SHLD2: variants seen among roughly 807,000 people sequenced by gnomAD.
SHLD2 encodes RINN1-REV7-interacting novel NHEJ regulator 2.
In SHLD2, 30 loss-of-function variants were observed where a neutral mutation model predicts 73.2. The observed-to-expected ratio is 0.41, with a 90% CI of 0.31 to 0.56. The LOEUF (loss-of-function observed/expected upper bound fraction) is 0.56. Among genes scored for constraint, SHLD2 ranks in the 20% least tolerant of loss-of-function variants. SHLD2 has a pLI of 0.28. For missense variants in SHLD2, 745 were observed against 1,055.9 expected (o/e 0.71, Z 4.08); for synonymous variants, 285 against 370.1 (o/e 0.77, Z 2.64).
At chr10:87,165,004 T>C (rs1480171552) in intron 4 of SHLD2, among the ~76,000 whole-genome samples, 1 of 151,936 alleles carries the variant, frequency 6.6e-6, no homozygotes. Flanking sequence ...CTGGGCAACA[T>C]GGCAAAACCC....
At chr10:87,106,651 A>G (rs528243345) in intron 2 of SHLD2, among the ~76,000 whole-genome samples, 1 of 152,332 alleles carries the variant, frequency 6.6e-6, no homozygotes, top group Non-Finnish European at 1.5e-5. Flanking sequence ...GACAGAACAG[A>G]AATCCATCCT....
At chr10:87,145,184 G>A (rs1351611576) in intron 2 of SHLD2, among the ~76,000 whole-genome samples, 1 of 152,052 alleles carries the variant, frequency 6.6e-6, no homozygotes, top group African/African-American at 2.4e-5. Flanking sequence ...CTCGTGATCC[G>A]CCCTCCTCAG....
intron 3 of SHLD2, among the ~76,000 whole-genome samples, chr10:87,156,332 TG>T (rs1358007409): frequency 6.6e-6 from 1 of 152,182 alleles, no homozygotes; most frequent in Non-Finnish European, 1.5e-5. Context: ...CCCAAAGTTC[TG>T]GGATTACAGG....
chr10:87,175,165 A>G (rs551577125), intron 6 of SHLD2, among the ~76,000 whole-genome samples: 1 of 152,028 alleles, frequency 6.6e-6, no homozygotes, highest in Non-Finnish European at 1.5e-5. Context: ...AAATAAGTAC[A>G]ATTGTGTCTA....
intron 4 of SHLD2, 24 bp from the exon 5 acceptor site, chr10:87,170,454 G>T: frequency 6.7e-7 from 1 of 1,492,460 alleles, no homozygotes; most frequent in East Asian, 2.3e-5. Context: ...TCTTTTGTCT[G>T]TCTGTATGTT....
At chr10:87,167,755 C>T (rs1456305958) in intron 4 of SHLD2, among the ~76,000 whole-genome samples, 1 of 152,176 alleles carries the variant, frequency 6.6e-6, no homozygotes, top group Admixed American at 6.5e-5. Context: ...AGAGATTCTT[C>T]TACCTCAGCC....
chr10:87,134,649 C>A (rs1470622930), intron 2 of SHLD2, among the ~76,000 whole-genome samples: 3 of 152,316 alleles, frequency 2.0e-5, no homozygotes, highest in East Asian at 3.9e-4. Flanking sequence ...TATAGGGCAA[C>A]CACCCTTAGA....
intron 6 of SHLD2, among the ~76,000 whole-genome samples, chr10:87,175,116 C>CAA (rs55718551): frequency 4.7e-5 from 4 of 84,694 alleles, no homozygotes; most frequent in Non-Finnish European, 4.9e-5. Flanking sequence ...GACTCCATCT[C>CAA]AAAAAAAAAA....
intron 2 of SHLD2, among the ~76,000 whole-genome samples, chr10:87,126,757 A>G (rs1009829390): frequency 6.6e-6 from 1 of 152,180 alleles, no homozygotes; most frequent in African/African-American, 2.4e-5. Flanking sequence ...CTTGGTGCTT[A>G]AACTTTAGTT....
At chr10:87,141,083 AAGCCTGGGCAACATAGTG>A (rs1845159421) in intron 2 of SHLD2, among the ~76,000 whole-genome samples, 3 of 151,184 alleles carry the variant, frequency 2.0e-5, no homozygotes, top group African/African-American at 7.3e-5. Flanking sequence ...AATTGGAGAC[AAGCCTGGGCAACATAGTG>A]AGACCCTGTC....
intron 3 of SHLD2, among the ~76,000 whole-genome samples, chr10:87,154,640 C>T (rs1014584422): frequency 2.0e-5 from 3 of 152,042 alleles, no homozygotes; most frequent in African/African-American, 7.2e-5. Context: ...CTTGTCCTCC[C>T]AAAATGCTAG....
chr10:87,178,226 ACT>A (rs1286281016), intron 7 of SHLD2, among the ~76,000 whole-genome samples: 6 of 112,632 alleles, frequency 5.3e-5, no homozygotes, highest in Non-Finnish European at 1.0e-4. Context: ...ACAGAGCAAT[ACT>A]CTGTCTCAAA....
At chr10:87,143,634 C>G (rs189006475) in intron 2 of SHLD2, among the ~76,000 whole-genome samples, 1 of 151,908 alleles carries the variant, frequency 6.6e-6, no homozygotes, top group Non-Finnish European at 1.5e-5. Flanking sequence ...ACCTGTTAAT[C>G]CTGTTATAAT....
intron 2 of SHLD2, among the ~76,000 whole-genome samples, chr10:87,148,253 C>T (rs978667714): frequency 1.3e-5 from 2 of 152,134 alleles, no homozygotes; most frequent in African/African-American, 4.8e-5. Flanking sequence ...AGCATAATGC[C>T]CAGCACGTAA....
upstream of SHLD2, chr10:87,094,925 T>C (rs1841697155): frequency 4.9e-6 from 2 of 410,638 alleles, no homozygotes; most frequent in Non-Finnish European, 8.4e-6. The surrounding 1 kb of genome is among the most constrained non-coding windows in gnomAD (Gnocchi z 6.6). Context: ...GCTCGCCACC[T>C]AACGGGGAGG....
At chr10:87,156,984 C>T (rs1846477160) in intron 3 of SHLD2, among the ~76,000 whole-genome samples, 1 of 152,008 alleles carries the variant, frequency 6.6e-6, no homozygotes, top group African/African-American at 2.4e-5. Flanking sequence ...TAATGTAAAA[C>T]AGTAGTAGTG....
upstream of SHLD2, chr10:87,095,139 A>T (rs1841716137): frequency 2.2e-5 from 1 of 45,854 alleles, no homozygotes; most frequent in Non-Finnish European, 4.4e-5. Context: ...AGGGGAACGG[A>T]CGGGAGGGGC....
intron 2 of SHLD2, among the ~76,000 whole-genome samples, chr10:87,119,994 GA>G (rs1361090303): frequency 6.6e-6 from 1 of 151,974 alleles, no homozygotes; most frequent in African/African-American, 2.4e-5. Context: ...CCTGAGCAAA[GA>G]AAAAATAGGT....
chr10:87,141,342 T>G (rs568614695), intron 2 of SHLD2, among the ~76,000 whole-genome samples: 25 of 149,762 alleles, frequency 1.7e-4, no homozygotes, highest in South Asian at 4.2e-4. Flanking sequence ...TCGGTGTTTT[T>G]TTTTTTTTTT....
Sources: allele counts gnomAD v4.1 joint callset (sites outside exome capture counted in the v4.1 genomes callset), GRCh38; gene constraint gnomAD v4.1.1; non-coding constraint Gnocchi (gnomAD v3.1); transcripts MANE v1.5; gene names NCBI Gene and HGNC (gene_info 2026-07-23, HGNC 2026-07-21).